TBRG1: variants seen among roughly 807,000 people sequenced by gnomAD.
TBRG1 encodes nuclear interactor of ARF and MDM2.
In TBRG1, 31 loss-of-function variants were observed where a neutral mutation model predicts 44.0. That is an observed-to-expected ratio of 0.70 (90% confidence interval 0.53 to 0.95). TBRG1 has a LOEUF of 0.95. TBRG1 is among the 40% of genes least tolerant of loss of function. The probability of loss-of-function intolerance (pLI) is 0.00; values close to 1 mark genes in which losing one functional copy is unlikely to be tolerated. For synonymous variants in TBRG1, 171 were observed against 188.1 expected (o/e 0.91, Z 0.74); for missense variants, 487 against 496.1 (o/e 0.98, Z 0.18).
intron 1 of TBRG1, among the ~76,000 whole-genome samples, chr11:124,624,553 T>C (rs1942413877): frequency 2.0e-5 from 3 of 152,164 alleles, no homozygotes; most frequent in African/African-American, 7.2e-5. Flanking sequence ...ATTTATAGTA[T>C]TTAATTTAAG....
chr11:124,631,912 CACTT>C (rs1228533330), intron 8 of TBRG1, 177 bp from the exon 9 acceptor site: 1 of 587,084 alleles, frequency 1.7e-6, no homozygotes, highest in East Asian at 2.8e-5. Context: ...CTAGGCAAGT[CACTT>C]AATGTTTCAA....
chr11:124,630,085 A>G (rs1942575140), intron 5 of TBRG1: 1 of 242,870 alleles, frequency 4.1e-6, no homozygotes, highest in Non-Finnish European at 8.4e-6. Context: ...TGTTTTTAAA[A>G]TACCATTTGT....
In TBRG1 at chr11:124,631,400, A is replaced by G; in HGVS notation, c.1073A>G (p.Asn358Ser). 6.2e-7 allele frequency: 1 copy of G among 1,614,030 alleles called. No homozygotes were observed. Among genetic ancestry groups the G allele is most frequent in the Non-Finnish European group, 8.5e-7 (1 of 1,179,878 alleles). ...FQRQIFDEDQ[N>S]DPLLPGSLDL... ...AGACAGATCTTTGATGAAGATCAGA[A>G]TGATCCCCTTCTGCCAGGTATCTTT... The change falls in exon 8 of 9, where the codon AAT (asparagine) becomes AGT (serine). Residue 358 changes from asparagine (N) to serine (S), a missense_variant. By Grantham distance (46) the Asn-to-Ser change is conservative (BLOSUM62 1). Coordinates refer to ENST00000441174, the MANE Select transcript of TBRG1 (RefSeq NM_032811.3).
intron 5 of TBRG1, among the ~76,000 whole-genome samples, chr11:124,628,114 T>TACAC (rs1565400588): frequency 1.8e-4 from 8 of 45,176 alleles, no homozygotes; most frequent in Non-Finnish European, 3.0e-4. Context: ...TATATATATA[T>TACAC]ATACACACAC....
In TBRG1 at chr11:124,634,543, T is replaced by C. The variant is rs970429729; in HGVS notation, c.*2305T>C. On this transcript the variant is annotated 3_prime_UTR_variant, in exon 9 of 9. Coordinates refer to ENST00000441174, the MANE Select transcript of TBRG1 (RefSeq NM_032811.3). ...TGTAGATATCTAAATTTTAAATATA[T>C]ATTTATCCTCTTCCATGTTAAGAAC... 1 of 152,164 alleles carries C rather than the reference T, an allele frequency of 6.6e-6. No individual in the cohort carries two copies. The highest frequency in any genetic ancestry group is 2.4e-5 in the African/African-American group (1 of 41,426). 9.4% of individuals were successfully genotyped at this position (152,164 alleles called of 1,614,324 possible). A position where few individuals can be genotyped will look rare whatever the true frequency, so the allele number is the denominator to read the frequency against.
rs1260573095 is a variant in TBRG1, at chr11:124,632,078, A to G, written c.1091-15A>G. The stretch of plus-strand genomic sequence containing the variant: ...TCCCGAGCAGCAGTGGAACTTAAGG[A>G]ATTGTTTTCTCCAGGATCCTTGGAC... On this transcript the variant is annotated splice_polypyrimidine_tract_variant and intron_variant, in intron 8 of 8. Transcript: ENST00000441174. The G allele has an allele frequency of 6.2e-7, 1 of 1,613,258 alleles. No individual in the cohort carries two copies. The highest frequency in any genetic ancestry group is 1.7e-5 in the Admixed American group (1 of 59,986).
At chr11:124,630,704 C>A in intron 6 of TBRG1, 41 bp from the exon 7 acceptor site, 1 of 1,402,072 alleles carries the variant, frequency 7.1e-7, no homozygotes, top group Non-Finnish European at 1.0e-6. Context: ...TCTTCATCTC[C>A]CGCTAAGCTC....
At chr11:124,629,352 A>G (rs1942561274) in intron 5 of TBRG1, among the ~76,000 whole-genome samples, 2 of 152,150 alleles carry the variant, frequency 1.3e-5, no homozygotes, top group Admixed American at 1.3e-4. Flanking sequence ...AAAAAAAGAA[A>G]AAGAAAAAAG....
chr11:124,628,065 TTATATATATATATATATA>T (rs71042445), intron 5 of TBRG1, among the ~76,000 whole-genome samples: 2,384 of 69,696 alleles, frequency 0.034, 69 homozygotes, highest in South Asian at 0.098. Context: ...AGTAGCTGTT[TTATATATATATATATATA>T]TATATATATA....
Position 124,624,995 on chromosome 11 carries a change from AAAG to A in TBRG1, c.219_221del (p.Arg74del). ...GAAAAATTTCTTAAAGCAAAAGAAG[AAAG>A]AAGGTGAGCTGGCTTCATTTTGTGT... is the stretch of plus-strand genomic sequence containing the variant. On this transcript the variant is annotated inframe_deletion, in exon 2 of 9. Transcript: ENST00000441174. 1 of 1,546,608 alleles carries A rather than the reference AAAG, an allele frequency of 6.5e-7. No individual in the cohort carries two copies. Among genetic ancestry groups the A allele is most frequent in the East Asian group, 2.4e-5 (1 of 40,894 alleles).
At chr11:124,625,024 TC>T in intron 2 of TBRG1, 23 bp downstream of exon 2, 3 of 1,499,594 alleles carry the variant, frequency 2.0e-6, no homozygotes, top group South Asian at 2.5e-5. Context: ...CATTTTGTGT[TC>T]AGCATCACCT....
rs1378481548 is a variant in TBRG1, at chr11:124,631,365, A to G, written c.1038A>G (p.Glu346=). The G allele has an allele frequency of 6.2e-7, 1 of 1,613,948 alleles. No homozygotes were observed. Among genetic ancestry groups the G allele is most frequent in the Non-Finnish European group, 8.5e-7 (1 of 1,179,832 alleles). ...LPENDAAMSF[E]AFQRQIFDED... ...AGAATGATGCAGCTATGAGCTTTGA[A>G]GCCTTTCAGAGACAGATCTTTGATG... Residue 346 remains glutamate, a synonymous_variant, in exon 8 of 9, where the codon GAA becomes GAG. Coordinates refer to ENST00000441174, the MANE Select transcript of TBRG1 (RefSeq NM_032811.3).
At chr11:124,631,571 C>G in intron 8 of TBRG1, 154 bp downstream of exon 8, 1 of 790,490 alleles carries the variant, frequency 1.3e-6, no homozygotes, top group Non-Finnish European at 2.1e-6. Context: ...AGAGGGGGAC[C>G]TGCGGCCTGC....
intron 1 of TBRG1, among the ~76,000 whole-genome samples, chr11:124,624,671 C>T (rs547785866): frequency 7.9e-5 from 12 of 152,166 alleles, no homozygotes; most frequent in Non-Finnish European, 1.5e-4. Context: ...CCGTATTGTT[C>T]TGGCATAAGC....
intron 5 of TBRG1, chr11:124,629,805 GGCAAAAAAA>G (rs1225322565): frequency 2.6e-5 from 4 of 152,530 alleles, no homozygotes; most frequent in African/African-American, 9.7e-5. Flanking sequence ...ATATTTTCCT[GGCAAAAAAA>G]TCATTGCGCT....
At chr11:124,631,490 C>T (rs950312528) in intron 8 of TBRG1, 73 bp downstream of exon 8, 5 of 1,438,014 alleles carry the variant, frequency 3.5e-6, no homozygotes, top group African/African-American at 1.4e-5. Flanking sequence ...CACACATAGC[C>T]GAGTACCCTA....
In TBRG1 at chr11:124,632,315, A is replaced by C; in HGVS notation, c.*77A>C. On this transcript the variant is annotated 3_prime_UTR_variant, in exon 9 of 9. Transcript: ENST00000441174. Reference sequence around the variant, plus strand: ...AACTAAAATTTTGGGTATATGAAAGAAGGCAGCAATTCAGAAGTAAAGAAG... The same window carrying C: ...AACTAAAATTTTGGGTATATGAAAGCAGGCAGCAATTCAGAAGTAAAGAAG... The C allele has an allele frequency of 7.6e-7, 1 of 1,318,252 alleles. No individual in the cohort carries two copies. Among genetic ancestry groups the C allele is most frequent in the Non-Finnish European group, 1.1e-6 (1 of 932,122 alleles). The allele number at this position is 1,318,252 out of a possible 1,614,324, so 81.7% of individuals were successfully genotyped here. A position where few individuals can be genotyped will look rare whatever the true frequency, so the allele number is the denominator to read the frequency against.
intron 5 of TBRG1, 93 bp downstream of exon 5, chr11:124,627,143 T>C (rs908193032): frequency 1.1e-5 from 10 of 918,004 alleles, no homozygotes; most frequent in Non-Finnish European, 1.2e-5. Context: ...AAGGTAGATA[T>C]GTATAATCAC....
chr11:124,634,874 G>A lies in TBRG1; in HGVS notation c.*2636G>A, dbSNP rs937803074. On this transcript the variant is annotated 3_prime_UTR_variant, in exon 9 of 9. Coordinates refer to ENST00000441174, the MANE Select transcript of TBRG1 (RefSeq NM_032811.3). ...TAGTGTTTCTCTGAATGATGAATTT[G>A]GGGGTGATTTTTACTTGCTTATACT... 1 of 152,150 alleles carries A rather than the reference G, an allele frequency of 6.6e-6. No homozygotes were observed. The highest frequency in any genetic ancestry group is 1.5e-5 in the Non-Finnish European group (1 of 68,012). The allele number at this position is 152,150 out of a possible 1,614,324, so 9.4% of individuals were successfully genotyped here.
Sources: gnomAD v4.1 joint callset for allele counts (sites outside exome capture counted in the v4.1 genomes callset) on GRCh38, gnomAD v4.1.1 for gene constraint, MANE v1.5 for transcripts, NCBI Gene and HGNC (gene_info 2026-07-23, HGNC 2026-07-21) for gene names.